PHACTR1: variants seen among roughly 807,000 people sequenced by gnomAD.
PHACTR1 encodes the protein phosphatase and actin regulator 1.
PHACTR1 carries 16 observed loss-of-function variants against 69.2 expected under a neutral mutation model. The ratio of observed to expected loss-of-function variants is 0.23; its 90% CI spans 0.16 to 0.35. The LOEUF (loss-of-function observed/expected upper bound fraction) is 0.35, where lower values mean the gene tolerates loss of function less well. Ranked by LOEUF, PHACTR1 falls within the 10% of genes least tolerant of loss-of-function variation. The pLI, the probability that PHACTR1 is intolerant of heterozygous loss-of-function variation, is 1.00. For missense variants in PHACTR1, 510 were observed against 734.7 expected, an observed-to-expected ratio of 0.69 and a Z score of 3.54; for synonymous variants, 312 against 284.5, an observed-to-expected ratio of 1.10 and a Z score of -0.97.
chr6:12,877,807 T>C (rs774430657), intron 4 of PHACTR1, among the ~76,000 whole-genome samples: 3 of 152,228 alleles, frequency 2.0e-5, no homozygotes, highest in Non-Finnish European at 2.9e-5. Context: ...AACTGCACTG[T>C]GCGCTCACCT....
At chr6:13,032,518 T>C (rs1348844560) in intron 4 of PHACTR1, among the ~76,000 whole-genome samples, 1 of 152,218 alleles carries the variant, frequency 6.6e-6, no homozygotes, top group Non-Finnish European at 1.5e-5. Context: ...TCTAGATTCT[T>C]TTTATTTGTG....
chr6:12,786,506 TGA>T lies in PHACTR1; in HGVS notation c.250+36718_250+36719del, dbSNP rs368984897. On this transcript the variant is annotated intron_variant, in intron 4 of 14. Transcript: ENST00000332995. ...GCAGAAGGGGAAAAATTGAACTCTC[TGA>T]GTTTCTGGAAAGTGCGAATTGTTAA... Among the ~76,000 whole-genome samples, 249 of 152,370 alleles carry T rather than the reference TGA, an allele frequency of 1.6e-3. 6 individuals are homozygous for T. The South Asian group carries it at 0.049, about 30-fold the overall frequency.
rs902908883 is a variant in PHACTR1, at chr6:13,193,306, C to T, written c.664+10620C>T. On this transcript the variant is annotated intron_variant, in intron 7 of 14. Coordinates refer to ENST00000332995, the MANE Select transcript of PHACTR1 (RefSeq NM_030948.6). Reference sequence around the variant, plus strand: ...TCCTTTAAAGTATTTATGGATCTAGCTTGAACTTACACTGTCACCATGAAT... The same window carrying T: ...TCCTTTAAAGTATTTATGGATCTAGTTTGAACTTACACTGTCACCATGAAT... 4.2e-5 allele frequency among the ~76,000 whole-genome samples: 6 copies of T among 144,200 alleles called. No homozygotes were observed. The Admixed American group carries it at 4.4e-4, about 11-fold the overall frequency. The allele number at this position is 144,200 out of a possible 152,430, so 94.6% of individuals were successfully genotyped here. A position where few individuals can be genotyped will look rare whatever the true frequency, so the allele number is the denominator to read the frequency against.
At chr6:12,730,061 A>C (rs1763298846) in intron 3 of PHACTR1, among the ~76,000 whole-genome samples, 2 of 152,190 alleles carry the variant, frequency 1.3e-5, no homozygotes, top group Admixed American at 1.3e-4. Flanking sequence ...TGGAACAGCC[A>C]AGCCTAGATT....
At chr6:13,056,791 A>G (rs947015843) in intron 5 of PHACTR1, among the ~76,000 whole-genome samples, 1 of 152,190 alleles carries the variant, frequency 6.6e-6, no homozygotes, top group African/African-American at 2.4e-5. Context: ...ATCTAATAGG[A>G]TTCTTGCTGA....
chr6:12,745,003 C>T (rs780605164), intron 3 of PHACTR1, among the ~76,000 whole-genome samples: 8 of 152,100 alleles, frequency 5.3e-5, no homozygotes, highest in Non-Finnish European at 1.2e-4. Flanking sequence ...GTCTCATCTC[C>T]TCAAATTCTG....
chr6:12,883,645 G>C (rs577917380), intron 4 of PHACTR1, among the ~76,000 whole-genome samples: 1 of 152,062 alleles, frequency 6.6e-6, no homozygotes, highest in African/African-American at 2.4e-5. Context: ...CCTGAGTCCT[G>C]TGCTGTCTGG....
At chr6:13,261,689 TAAAAG>T (rs1775930722) in intron 10 of PHACTR1, among the ~76,000 whole-genome samples, 1 of 152,012 alleles carries the variant, frequency 6.6e-6, no homozygotes, top group South Asian at 2.1e-4. Context: ...GGACAGGCAA[TAAAAG>T]AAAGTAAAAC....
chr6:12,991,201 A>G (rs772826236), intron 4 of PHACTR1, among the ~76,000 whole-genome samples: 10 of 152,048 alleles, frequency 6.6e-5, no homozygotes, highest in Non-Finnish European at 1.3e-4. Flanking sequence ...CAAGCAGTTT[A>G]CCCTGCTGAC....
chr6:13,286,765 A>G (rs914419971), intron 14 of PHACTR1, among the ~76,000 whole-genome samples: 6 of 152,144 alleles, frequency 3.9e-5, no homozygotes, highest in Non-Finnish European at 8.8e-5. Flanking sequence ...TTTTGGGGGG[A>G]ACATTTAGAG....
chr6:12,912,451 T>C (rs1359395219), intron 4 of PHACTR1, among the ~76,000 whole-genome samples: 1 of 152,234 alleles, frequency 6.6e-6, no homozygotes, highest in Non-Finnish European at 1.5e-5. Context: ...TGTCCAGTTT[T>C]GAAAAGGTTT....
intron 5 of PHACTR1, among the ~76,000 whole-genome samples, chr6:13,107,266 A>G (rs1246423500): frequency 8.5e-5 from 13 of 152,128 alleles, no homozygotes; most frequent in Non-Finnish European, 1.6e-4. Context: ...ACATGCAAGC[A>G]TGCCTGGCTA....
chr6:13,040,653 T>C (rs555092574), intron 4 of PHACTR1, among the ~76,000 whole-genome samples: 3 of 152,264 alleles, frequency 2.0e-5, no homozygotes, highest in African/African-American at 7.2e-5. Context: ...GCCACCACCC[T>C]CGTGTGAGAT....
intron 4 of PHACTR1, among the ~76,000 whole-genome samples, chr6:12,825,218 C>G (rs1776659235): frequency 6.6e-6 from 1 of 151,860 alleles, no homozygotes. Context: ...GAGGCTGGAT[C>G]AGGATGATGG....
chr6:13,095,642 G>A (rs1028888126), intron 5 of PHACTR1, among the ~76,000 whole-genome samples: 11 of 150,240 alleles, frequency 7.3e-5, no homozygotes, highest in African/African-American at 2.7e-4. Context: ...GTCGTACAAA[G>A]ATTGAAGTGA....
At chr6:13,233,040 A>G (rs940729204) in intron 10 of PHACTR1, among the ~76,000 whole-genome samples, 2 of 152,214 alleles carry the variant, frequency 1.3e-5, no homozygotes, top group African/African-American at 2.4e-5. Flanking sequence ...AAGCATAGGA[A>G]GTCGGCCTGT....
chr6:13,115,354 T>C (rs903508656), intron 5 of PHACTR1, among the ~76,000 whole-genome samples: 1 of 152,104 alleles, frequency 6.6e-6, no homozygotes, highest in African/African-American at 2.4e-5. Context: ...AAAAACCCCC[T>C]CTCTCAAACC....
chr6:12,718,913 G>T, intron 3 of PHACTR1, 66 bp downstream of exon 3: 1 of 940,592 alleles, frequency 1.1e-6, no homozygotes, highest in Non-Finnish European at 1.6e-6. Flanking sequence ...AGCCATGTAG[G>T]CTGTAGCTGT....
rs187737199 is a variant in PHACTR1 at position 12,856,522 on chromosome 6, C to T, written c.250+106732C>T. ...CCGTCCACCTCAGCCTTCCAAAGTG[C>T]TGGGATTACAGGCGTGAGCCACTGT... On this transcript the variant is annotated intron_variant, in intron 4 of 14. Coordinates refer to ENST00000332995, the MANE Select transcript of PHACTR1 (RefSeq NM_030948.6). Among the ~76,000 whole-genome samples the T allele has an allele frequency of 7.6e-3, 1,156 of 152,304 alleles. 22 individuals are homozygous for T. Among genetic ancestry groups the T allele is most frequent in the Admixed American group, 0.047 (726 of 15,292 alleles).
Sources: allele counts gnomAD v4.1 joint callset (sites outside exome capture counted in the v4.1 genomes callset), GRCh38; gene constraint gnomAD v4.1.1; transcripts MANE v1.5; gene names NCBI Gene and HGNC (gene_info 2026-07-23, HGNC 2026-07-21).